Variants in ZHX2 observed in about 807,000 individuals in gnomAD.
The protein encoded by ZHX2 is zinc fingers and homeoboxes protein 2.
ZHX2 carries 6 observed loss-of-function variants against 21.9 expected under a neutral mutation model. That is an observed-to-expected ratio of 0.27 (90% confidence interval 0.15 to 0.54). ZHX2 has a LOEUF of 0.54. Among genes scored for constraint, ZHX2 ranks in the 20% least tolerant of loss-of-function variants. The pLI, the probability that ZHX2 is intolerant of heterozygous loss-of-function variation, is 0.95. For missense variants in ZHX2, 908 were observed against 1,090.7 expected (o/e 0.83, Z 2.36); for synonymous variants, 434 against 437.1 (o/e 0.99, Z 0.09).
intron 1 of ZHX2, among the ~76,000 whole-genome samples, chr8:122,815,008 A>G (rs1818002224): frequency 6.6e-6 from 1 of 152,226 alleles, no homozygotes; most frequent in African/African-American, 2.4e-5. Context: ...TGAGCCCACA[A>G]CTTAATCTCC....
At chr8:122,783,587 T>C (rs771669225) in intron 1 of ZHX2, among the ~76,000 whole-genome samples, 5 of 152,136 alleles carry the variant, frequency 3.3e-5, no homozygotes, top group Non-Finnish European at 7.3e-5. Context: ...TCTTCAAGAT[T>C]TGAGTCAAAA....
chr8:122,820,157 A>G lies in ZHX2; in HGVS notation c.-283+38211A>G, dbSNP rs186105706. 1.8e-4 allele frequency among the ~76,000 whole-genome samples: 28 copies of G among 152,316 alleles called. No individual in the cohort carries two copies. In the East Asian group the frequency reaches 5.2e-3, roughly 28 times the overall value. ...ATTCTTACTCAAACCCAGGGGGAAAAGCCGGCTGCTCTCCAGTCCCTGTCA... is the reference window on the plus strand; with the variant it reads ...ATTCTTACTCAAACCCAGGGGGAAAGGCCGGCTGCTCTCCAGTCCCTGTCA... On this transcript the variant is annotated intron_variant, in intron 1 of 3. Transcript: ENST00000314393.
chr8:122,961,160 G>A (rs1227677576), intron 3 of ZHX2, among the ~76,000 whole-genome samples: 1 of 152,206 alleles, frequency 6.6e-6, no homozygotes, highest in South Asian at 2.1e-4. Context: ...TTAGTTTCTG[G>A]TGAGGCCTCT....
intron 3 of ZHX2, among the ~76,000 whole-genome samples, chr8:122,957,986 T>C (rs898996472): frequency 6.6e-6 from 1 of 152,218 alleles, no homozygotes; most frequent in Admixed American, 6.5e-5. Context: ...AAATACTTAT[T>C]TATTTAGGAA....
At chr8:122,790,916 T>A (rs1218709852) in intron 1 of ZHX2, among the ~76,000 whole-genome samples, 1 of 152,216 alleles carries the variant, frequency 6.6e-6, no homozygotes, top group Non-Finnish European at 1.5e-5. Context: ...CCCGATGTTG[T>A]GATTCTGTTA....
intron 1 of ZHX2, among the ~76,000 whole-genome samples, chr8:122,831,860 T>G (rs528777076): frequency 6.6e-6 from 1 of 152,306 alleles, no homozygotes; most frequent in South Asian, 2.1e-4. Context: ...GTTGATCTGT[T>G]GTCCTGCTGC....
intron 1 of ZHX2, among the ~76,000 whole-genome samples, chr8:122,785,946 C>T (rs1255820445): frequency 6.6e-6 from 1 of 152,176 alleles, no homozygotes; most frequent in Non-Finnish European, 1.5e-5. Context: ...AGCAGAGTAC[C>T]TTGTGCAGAC....
chr8:122,861,363 G>A (rs549193010), intron 1 of ZHX2, among the ~76,000 whole-genome samples: 2 of 152,260 alleles, frequency 1.3e-5, no homozygotes, highest in African/African-American at 2.4e-5. Context: ...TAACTTAGCT[G>A]AACTGTCTTA....
At chr8:122,945,869 C>T (rs1252201800) in intron 2 of ZHX2, among the ~76,000 whole-genome samples, 1 of 152,196 alleles carries the variant, frequency 6.6e-6, no homozygotes, top group East Asian at 1.9e-4. Context: ...CGCCCGGTCT[C>T]GTCAGACAGG....
At chr8:122,855,729 C>T (rs1370058787) in intron 1 of ZHX2, among the ~76,000 whole-genome samples, 9 of 151,730 alleles carry the variant, frequency 5.9e-5, no homozygotes, top group Non-Finnish European at 1.0e-4. Context: ...TTATTTAGAC[C>T]CAGAAGGCAA....
chr8:122,825,889 TC>T (rs1818254940), intron 1 of ZHX2, among the ~76,000 whole-genome samples: 3 of 152,076 alleles, frequency 2.0e-5, no homozygotes, highest in Non-Finnish European at 2.9e-5. Context: ...AATTCCCCTC[TC>T]CCCCTCTCTT....
intron 2 of ZHX2, among the ~76,000 whole-genome samples, chr8:122,868,418 C>T (rs1455786731): frequency 2.0e-5 from 3 of 152,090 alleles, no homozygotes; most frequent in Admixed American, 6.6e-5. Flanking sequence ...GAGGCTGAGG[C>T]GGGAAGATCA....
chr8:122,811,062 G>A (rs1817917633), intron 1 of ZHX2, among the ~76,000 whole-genome samples: 1 of 152,210 alleles, frequency 6.6e-6, no homozygotes, highest in Admixed American at 6.5e-5. Context: ...GACAGACAGA[G>A]ATGTTGAACA....
chr8:122,898,988 T>A (rs542253218), intron 2 of ZHX2, among the ~76,000 whole-genome samples: 3 of 152,284 alleles, frequency 2.0e-5, no homozygotes, highest in African/African-American at 7.2e-5. Flanking sequence ...ACTTGCCCAA[T>A]ACTCACTCAC....
intron 2 of ZHX2, among the ~76,000 whole-genome samples, chr8:122,937,101 T>G (rs1228271991): frequency 6.6e-6 from 1 of 152,196 alleles, no homozygotes; most frequent in Non-Finnish European, 1.5e-5. Context: ...GGGCACTAGG[T>G]AGGCAATGCC....
At position 122,781,827 on chromosome 8, in the gene ZHX2, C is replaced by G. The variant is rs929976042; in HGVS notation, c.-402C>G. 6.6e-6 allele frequency: 1 copy of G among 152,316 alleles called. No homozygotes were observed. The highest frequency in any genetic ancestry group is 1.9e-4 in the East Asian group (1 of 5,196). 9.4% of individuals were successfully genotyped at this position (152,316 alleles called of 1,614,324 possible). ...CCCCTCTTTCCCACGGAGCCCGAGC[C>G]GGGCGCCCGGTGGGGAGTGGGGAGT... On this transcript the variant is annotated 5_prime_UTR_variant, in exon 1 of 4. Coordinates refer to ENST00000314393, the MANE Select transcript of ZHX2 (RefSeq NM_014943.5). The surrounding 1 kb of genome is among the most constrained non-coding windows in gnomAD (Gnocchi z 4.6).
At chr8:122,934,827 T>A (rs895008248) in intron 2 of ZHX2, among the ~76,000 whole-genome samples, 2 of 152,178 alleles carry the variant, frequency 1.3e-5, no homozygotes, top group African/African-American at 2.4e-5. Flanking sequence ...TACCTGGGAT[T>A]GCAGGCATGC....
At chr8:122,899,391 C>A (rs935945993) in intron 2 of ZHX2, among the ~76,000 whole-genome samples, 3 of 152,250 alleles carry the variant, frequency 2.0e-5, no homozygotes, top group Non-Finnish European at 4.4e-5. Flanking sequence ...ACAGATCCTG[C>A]GTGGCTCATA....
chr8:122,893,596 T>C (rs1820031739), intron 2 of ZHX2, among the ~76,000 whole-genome samples: 1 of 152,148 alleles, frequency 6.6e-6, no homozygotes, highest in South Asian at 2.1e-4. Flanking sequence ...TTCTACTTGA[T>C]CTAGTCTATT....
Sources: allele counts gnomAD v4.1 joint callset (sites outside exome capture counted in the v4.1 genomes callset), GRCh38; gene constraint gnomAD v4.1.1; non-coding constraint Gnocchi (gnomAD v3.1); transcripts MANE v1.5; gene names NCBI Gene and HGNC (gene_info 2026-07-23, HGNC 2026-07-21).